CDKL3: variants seen among roughly 807,000 people sequenced by gnomAD.
CDKL3 encodes the protein cyclin-dependent kinase-like 3.
Under a neutral mutation model 69.3 loss-of-function variants are expected in CDKL3, and 65 were observed. That is an observed-to-expected ratio of 0.94 (90% CI 0.77 to 1.15). The LOEUF (loss-of-function observed/expected upper bound fraction) is 1.15, where lower values mean the gene tolerates loss of function less well. Among genes scored for constraint, CDKL3 ranks in the 50% most tolerant of loss-of-function variants. The pLI is 0.00. For synonymous variants in CDKL3, 202 were observed against 221.6 expected (o/e 0.91, Z 0.79); for missense variants, 652 against 689.2 (o/e 0.95, Z 0.61).
intron 4 of CDKL3, among the ~76,000 whole-genome samples, chr5:134,326,825 A>ATATATGTGTGTGTG (rs1357591288): frequency 2.4e-4 from 25 of 104,150 alleles, no homozygotes; most frequent in African/African-American, 1.0e-3. Flanking sequence ...GTGTATATAT[A>ATATATGTGTGTGTG]TATATATATA....
At chr5:134,295,702 T>C (rs1047544442), downstream of CDKL3, among the ~76,000 whole-genome samples, 4 of 152,218 alleles carry the variant, frequency 2.6e-5, no homozygotes, top group East Asian at 3.8e-4. Flanking sequence ...CATGTTTCTT[T>C]AGTAAATATA....
intron 2 of CDKL3, among the ~76,000 whole-genome samples, chr5:134,361,651 C>A (rs1756044924): frequency 6.6e-6 from 1 of 152,158 alleles, no homozygotes; most frequent in South Asian, 2.1e-4. Context: ...CACCTATAAT[C>A]CCAGCACTTT....
At chr5:134,343,820 T>G (rs898817196) in intron 4 of CDKL3, among the ~76,000 whole-genome samples, 1 of 152,176 alleles carries the variant, frequency 6.6e-6, no homozygotes, top group Non-Finnish European at 1.5e-5. Context: ...CAAGTTGTCC[T>G]TAAAAACTCT....
intron 6 of CDKL3, among the ~76,000 whole-genome samples, chr5:134,313,585 T>G (rs1361149322): frequency 2.6e-5 from 4 of 152,030 alleles, no homozygotes; most frequent in African/African-American, 9.7e-5. Context: ...TCCAAGATAA[T>G]TGTATATAAT....
Position 134,308,389 on chromosome 5 carries a change from TGA to T in CDKL3, c.1111_1112del (p.Ser371ArgfsTer8), listed in dbSNP as rs756373044. 6.2e-7 allele frequency: 1 copy of T among 1,613,650 alleles called. No homozygotes were observed. The stretch of plus-strand genomic sequence containing the variant: ...CTTCATACTCTTTCTTTTTTGGTTC[TGA>T]GATATCTCCTCTTCCTCCTTTGACT... ...IKVKGGRGDISEPKKKEYEGG... is the reference protein window; with the variant it reads ...IKVKGGRGDIXEPKKKEYEGG... On this transcript the variant is annotated frameshift_variant, in exon 9 of 13. Transcript: ENST00000265334. LOFTEE classifies it high-confidence loss of function.
rs1366288592 is a variant in CDKL3, at chr5:134,326,850, TATATATATATATATATAC to T, written c.540-4965_540-4948del. 6.5e-3 allele frequency among the ~76,000 whole-genome samples: 651 copies of T among 100,512 alleles called. 11 individuals are homozygous for T. The highest frequency in any genetic ancestry group is 0.026 in the African/African-American group (436 of 17,078). 65.9% of individuals were successfully genotyped at this position (100,512 alleles called of 152,430 possible). Reference sequence around the variant, plus strand: ...ATATATATATATATATATATATATATATATATATATATATATACACACACACACATAGTCCTTATAGTC... The same window carrying T: ...ATATATATATATATATATATATATATACACACACACATAGTCCTTATAGTC... On this transcript the variant is annotated intron_variant, in intron 4 of 12. Transcript: ENST00000265334.
At chr5:134,285,330 T>C (rs1182331270), downstream of CDKL3, among the ~76,000 whole-genome samples, 1 of 152,250 alleles carries the variant, frequency 6.6e-6, no homozygotes, top group Non-Finnish European at 1.5e-5. Flanking sequence ...GGCATTTCCA[T>C]ACATCTTCTG....
intron 10 of CDKL3, among the ~76,000 whole-genome samples, chr5:134,305,251 G>T (rs1226651355): frequency 6.6e-6 from 1 of 151,900 alleles, no homozygotes; most frequent in Admixed American, 6.6e-5. Flanking sequence ...TGAAACCACA[G>T]CCACATGCCA....
intron 4 of CDKL3, among the ~76,000 whole-genome samples, chr5:134,333,779 G>C (rs1776375352): frequency 6.6e-6 from 1 of 151,696 alleles, no homozygotes; most frequent in Admixed American, 6.6e-5. Flanking sequence ...ATTCTGTTTT[G>C]TTGTGTTTCT....
At chr5:134,319,554 C>A in intron 5 of CDKL3, 57 bp from the exon 6 acceptor site, 1 of 1,373,606 alleles carries the variant, frequency 7.3e-7, no homozygotes, top group South Asian at 1.4e-5. Context: ...ATAATCAAAA[C>A]AATCAAATTG....
At chr5:134,358,139 A>AGAGTCCACCCTCC (rs1755059360) in intron 3 of CDKL3, among the ~76,000 whole-genome samples, 1 of 152,238 alleles carries the variant, frequency 6.6e-6, no homozygotes. Flanking sequence ...TCTTCAGGAA[A>AGAGTCCACCCTCC]GAGTCCACCC....
intron 6 of CDKL3, among the ~76,000 whole-genome samples, chr5:134,316,106 C>A (rs915776801): frequency 1.3e-5 from 2 of 151,054 alleles, no homozygotes; most frequent in Non-Finnish European, 2.9e-5. Context: ...GCGCATGCCA[C>A]TGTGCCTGGC....
At chr5:134,333,126 A>T (rs1776213340) in intron 4 of CDKL3, among the ~76,000 whole-genome samples, 1 of 152,066 alleles carries the variant, frequency 6.6e-6, no homozygotes, top group Non-Finnish European at 1.5e-5. Context: ...AATGCTTGTG[A>T]TTTTTGCAGA....
intron 7 of CDKL3, among the ~76,000 whole-genome samples, chr5:134,311,730 G>A (rs1008572485): frequency 6.6e-6 from 1 of 152,172 alleles, no homozygotes; most frequent in African/African-American, 2.4e-5. Context: ...AAAGAGCAGA[G>A]CACACTGCCT....
chr5:134,283,659 CT>C (rs1764728094), downstream of CDKL3, among the ~76,000 whole-genome samples: 1 of 152,120 alleles, frequency 6.6e-6, no homozygotes, highest in South Asian at 2.1e-4. Flanking sequence ...CCCCTGGCCC[CT>C]CCCAAATCTC....
rs1315838612 is a variant in CDKL3, at chr5:134,360,025, C to A, written c.232G>T (p.Val78Leu). 2 of 1,555,424 alleles carry A rather than the reference C, an allele frequency of 1.3e-6. No individual in the cohort carries two copies. Among genetic ancestry groups the A allele is most frequent in the African/African-American group, 2.7e-5 (2 of 73,560 alleles). The stretch of plus-strand genomic sequence containing the variant: ...ACTGTGTGGTCAATAAATTCAAATA[C>A]CAAATGAATTTTCTTTTTCTGTCTA... ...VFRQKKKIHL[V>L]FEFIDHTVLD... Residue 78 changes from valine (V) to leucine (L), a missense_variant, in exon 3 of 13, where the codon GTA (valine) becomes TTA (leucine). Transcript: ENST00000265334.
chr5:134,362,818 A>G (rs1756377452), intron 2 of CDKL3, among the ~76,000 whole-genome samples: 1 of 152,008 alleles, frequency 6.6e-6, no homozygotes, highest in African/African-American at 2.4e-5. Flanking sequence ...AATCCCAGCT[A>G]CTTGGAGGCT....
chr5:134,309,469 T>G (rs143004505), intron 7 of CDKL3, among the ~76,000 whole-genome samples: 225 of 152,312 alleles, frequency 1.5e-3, no homozygotes, highest in African/African-American at 5.2e-3. Context: ...AATACCTTCA[T>G]ATTGGAGAGA....
At chr5:134,299,858 A>C in intron 12 of CDKL3, 1 of 700,212 alleles carries the variant, frequency 1.4e-6, no homozygotes, top group East Asian at 2.7e-5. Flanking sequence ...GGGTTGTTTC[A>C]TAAGGTACAG....
Sources: gnomAD v4.1 joint callset for allele counts (sites outside exome capture counted in the v4.1 genomes callset) on GRCh38, gnomAD v4.1.1 for gene constraint, MANE v1.5 for transcripts, NCBI Gene and HGNC (gene_info 2026-07-23, HGNC 2026-07-21) for gene names.